Variants in LAMA2 observed in about 807,000 individuals in gnomAD.
LAMA2 encodes laminin subunit alpha-2.
A neutral mutation model predicts 364.8 loss-of-function variants in LAMA2; 269 were observed. That is an observed-to-expected ratio of 0.74 (90% CI 0.67 to 0.82). LAMA2 has a LOEUF of 0.82. Among genes scored for constraint, LAMA2 ranks in the 40% least tolerant of loss-of-function variants. The pLI is 0.00. For synonymous variants in LAMA2, 1,379 were observed against 1,370.6 expected (o/e 1.01, Z -0.14); for missense variants, 3,807 against 3,873.2 (o/e 0.98, Z 0.45).
intron 1 of LAMA2, among the ~76,000 whole-genome samples, chr6:129,025,978 T>G (rs9372914): frequency 0.57 from 86,379 of 152,010 alleles, 28,749 homozygotes; most frequent in East Asian, 0.96. Context: ...ATGCAAGGTT[T>G]CACGAATCAG....
At chr6:129,416,934 T>C (rs1228383605) in intron 40 of LAMA2, among the ~76,000 whole-genome samples, 4 of 152,212 alleles carry the variant, frequency 2.6e-5, no homozygotes, top group Admixed American at 1.3e-4. Flanking sequence ...CATACTACAA[T>C]TGGCTTCCAC....
chr6:128,978,251 A>T (rs1180147145), intron 1 of LAMA2, among the ~76,000 whole-genome samples: 1 of 152,122 alleles, frequency 6.6e-6, no homozygotes, highest in Non-Finnish European at 1.5e-5. Context: ...TCCAATATTA[A>T]GGCTGTGTAG....
chr6:129,052,196 C>T (rs1295890537), intron 2 of LAMA2, among the ~76,000 whole-genome samples: 3 of 146,594 alleles, frequency 2.0e-5, no homozygotes, highest in African/African-American at 5.1e-5. Context: ...AGTGCAGTGG[C>T]GCGATCTCGG....
chr6:129,373,447 CATATACATGTT>C (rs1778198816), intron 34 of LAMA2, among the ~76,000 whole-genome samples: 1 of 152,224 alleles, frequency 6.6e-6, no homozygotes, highest in East Asian at 1.9e-4. Flanking sequence ...GTACATGTGT[CATATACATGTT>C]ATATACATGT....
chr6:129,158,967 G>T, intron 8 of LAMA2: 12 of 1,589,056 alleles, frequency 7.6e-6, no homozygotes, highest in South Asian at 1.1e-5. Context: ...GTATCCTCTG[G>T]TGCTAAGGTT....
At chr6:129,198,864 G>C (rs1367730095) in intron 12 of LAMA2, among the ~76,000 whole-genome samples, 1 of 152,024 alleles carries the variant, frequency 6.6e-6, no homozygotes, top group East Asian at 1.9e-4. Context: ...AATTGAATCA[G>C]CAGTCAAATA....
intron 31 of LAMA2, among the ~76,000 whole-genome samples, chr6:129,352,103 T>C (rs1776883698): frequency 6.6e-6 from 1 of 152,238 alleles, no homozygotes; most frequent in Admixed American, 6.5e-5. Flanking sequence ...CTGTTTGTTA[T>C]ATTTACACTG....
intron 4 of LAMA2, among the ~76,000 whole-genome samples, chr6:129,115,024 A>G (rs1044535286): frequency 6.6e-6 from 1 of 152,228 alleles, no homozygotes; most frequent in African/African-American, 2.4e-5. Context: ...TCCACATAAG[A>G]ATATTAATAA....
At chr6:129,480,454 A>G (rs190419055) in intron 54 of LAMA2, among the ~76,000 whole-genome samples, 76 of 152,300 alleles carry the variant, frequency 5.0e-4, no homozygotes, top group Admixed American at 2.0e-3. Flanking sequence ...TATCTTCCAC[A>G]TATGTAAGAA....
intron 1 of LAMA2, among the ~76,000 whole-genome samples, chr6:128,984,715 T>C (rs1783109950): frequency 6.6e-6 from 1 of 152,078 alleles, no homozygotes; most frequent in Non-Finnish European, 1.5e-5. Flanking sequence ...GGTTTTCATC[T>C]GACTTTATAG....
At chr6:128,932,956 A>C (rs117656058) in intron 1 of LAMA2, among the ~76,000 whole-genome samples, 2 of 152,166 alleles carry the variant, frequency 1.3e-5, no homozygotes, top group African/African-American at 4.8e-5. Flanking sequence ...TATTCATCTT[A>C]TAACTGAAAC....
At chr6:129,492,624 C>T in intron 58 of LAMA2, 141 bp downstream of exon 58, 1 of 749,304 alleles carries the variant, frequency 1.3e-6, no homozygotes, top group Non-Finnish European at 2.2e-6. Context: ...CCTATTCTTA[C>T]ATCTTCATTG....
chr6:129,044,983 T>A (rs1413928466), intron 1 of LAMA2, among the ~76,000 whole-genome samples: 3 of 152,166 alleles, frequency 2.0e-5, no homozygotes, highest in African/African-American at 4.8e-5. Context: ...TAACATATAA[T>A]GAAAATGGGT....
chr6:129,481,412 T>A lies in LAMA2; in HGVS notation c.7722T>A (p.Pro2574=), dbSNP rs2114839679. The A allele has an allele frequency of 1.2e-6, 2 of 1,613,928 alleles. No individual in the cohort carries two copies. The highest frequency in any genetic ancestry group is 1.7e-6 in the Non-Finnish European group (2 of 1,179,856). Residue 2574 remains proline (P), a synonymous_variant, in exon 55 of 65, where the codon CCT becomes CCA. Transcript: ENST00000421865. The stretch of plus-strand genomic sequence containing the variant: ...GAAGTGGAGGGACACCAGCACCACC[T>A]AGGAGAAAACGAAGGCAGACTGGAC... The part of the protein sequence containing the change: ...LLGSGGTPAP[P]RRKRRQTGQA...
chr6:129,048,848 C>T (rs897850990), intron 1 of LAMA2, among the ~76,000 whole-genome samples: 1 of 151,944 alleles, frequency 6.6e-6, no homozygotes, highest in African/African-American at 2.4e-5. Flanking sequence ...CTCCTGACCT[C>T]AAGTGATCCG....
intron 51 of LAMA2, among the ~76,000 whole-genome samples, chr6:129,467,508 A>G (rs1325872821): frequency 6.6e-6 from 1 of 151,862 alleles, no homozygotes; most frequent in Non-Finnish European, 1.5e-5. Context: ...TGGATCTAAA[A>G]TTGTGAAATA....
At chr6:129,176,470 T>C (rs1247900164) in intron 9 of LAMA2, among the ~76,000 whole-genome samples, 1 of 152,076 alleles carries the variant, frequency 6.6e-6, no homozygotes, top group Non-Finnish European at 1.5e-5. Context: ...AAATTTTCTG[T>C]TTTTTCTTAC....
In LAMA2 at chr6:128,992,047, G is replaced by A. The variant is rs145618142; in HGVS notation, c.113-57871G>A. ...ATTGATACGGTCAACTGTTTAAAAC[G>A]TCAGATGCAATGATAGAGCCTTAGC... On this transcript the variant is annotated intron_variant, in intron 1 of 64. Coordinates refer to ENST00000421865, the MANE Select transcript of LAMA2 (RefSeq NM_000426.4). Among the ~76,000 whole-genome samples, 378 of 152,254 alleles carry A rather than the reference G, an allele frequency of 2.5e-3. 1 individual carries two copies. The highest frequency in any genetic ancestry group is 7.9e-3 in the African/African-American group (328 of 41,544).
At chr6:129,021,678 G>A (rs1785460658) in intron 1 of LAMA2, among the ~76,000 whole-genome samples, 2 of 152,180 alleles carry the variant, frequency 1.3e-5, no homozygotes, top group Admixed American at 1.3e-4. Context: ...ATCCCAGGAG[G>A]AGACTGTAAG....
Sources: gnomAD v4.1 joint callset for allele counts (sites outside exome capture counted in the v4.1 genomes callset) on GRCh38, gnomAD v4.1.1 for gene constraint, MANE v1.5 for transcripts, NCBI Gene and HGNC (gene_info 2026-07-23, HGNC 2026-07-21) for gene names.